Variants in ATP6V1E2 observed in about 807,000 individuals in gnomAD.
ATP6V1E2 encodes the protein ATPase H+ transporting V1 subunit E2.
For synonymous variants in ATP6V1E2, 121 were observed against 104.2 expected (o/e 1.16, Z -0.98); for missense variants, 308 against 273.3 (o/e 1.13, Z -0.90).
At chr2:46,531,947 C>G (rs776781061) in intron 4 of ATP6V1E2, among the ~76,000 whole-genome samples, 2 of 152,200 alleles carry the variant, frequency 1.3e-5, no homozygotes, top group Non-Finnish European at 2.9e-5. Context: ...GTCTTATGAG[C>G]TATTTAATTT....
At chr2:46,516,147 A>G (rs1381952445) in intron 4 of ATP6V1E2, among the ~76,000 whole-genome samples, 1 of 152,224 alleles carries the variant, frequency 6.6e-6, no homozygotes, top group Non-Finnish European at 1.5e-5. Context: ...AAAAAAGCAG[A>G]GAACTTGAAC....
intron 4 of ATP6V1E2, chr2:46,519,555 G>C (rs1374716551): frequency 3.9e-5 from 6 of 152,328 alleles, no homozygotes; most frequent in Non-Finnish European, 8.8e-5. Context: ...TCTGCAGTCA[G>C]ACTGACGGAA....
intron 2 of ATP6V1E2, among the ~76,000 whole-genome samples, chr2:46,540,262 A>C (rs1667662924): frequency 6.6e-6 from 1 of 152,060 alleles, no homozygotes; most frequent in South Asian, 2.1e-4. Flanking sequence ...CTCTGCAAAA[A>C]AATACAAAAA....
At chr2:46,517,250 A>G (rs547159522) in intron 4 of ATP6V1E2, among the ~76,000 whole-genome samples, 1 of 152,350 alleles carries the variant, frequency 6.6e-6, no homozygotes, top group South Asian at 2.1e-4. Context: ...AGCCTCTTCA[A>G]TAAATGGTGT....
chr2:46,521,188 G>A (rs1400360532), intron 4 of ATP6V1E2, among the ~76,000 whole-genome samples: 1 of 152,152 alleles, frequency 6.6e-6, no homozygotes, highest in Non-Finnish European at 1.5e-5. Context: ...CTGGGATTAT[G>A]GCCATGGGCT....
intron 4 of ATP6V1E2, among the ~76,000 whole-genome samples, chr2:46,532,893 A>G (rs1263617352): frequency 6.6e-6 from 1 of 152,206 alleles, no homozygotes; most frequent in East Asian, 1.9e-4. Flanking sequence ...GACAACCTTC[A>G]GATAACACTA....
At chr2:46,514,451 A>G (rs1162770986) in intron 4 of ATP6V1E2, among the ~76,000 whole-genome samples, 1 of 152,206 alleles carries the variant, frequency 6.6e-6, no homozygotes, top group African/African-American at 2.4e-5. Flanking sequence ...GAACAAAATG[A>G]GAATATCAAA....
chr2:46,514,627 TGAGAAA>T (rs1431909173), intron 4 of ATP6V1E2, among the ~76,000 whole-genome samples: 2 of 151,628 alleles, frequency 1.3e-5, no homozygotes. Context: ...AAAAGAAGAA[TGAGAAA>T]GAGTAAAGAA....
rs59573958 is a variant in ATP6V1E2 at position 46,517,433 on chromosome 2, C to A, written c.-101-4621G>T. ...ATAACACTGGTCTTGCCAATGATTT[C>A]TTGGATATGACAGAGAAAGCACAGA... On this transcript the variant is annotated intron_variant, in intron 4 of 4. Coordinates refer to ENST00000522587, the MANE Select transcript of ATP6V1E2 (RefSeq NM_001318063.2). 3.1e-3 allele frequency among the ~76,000 whole-genome samples: 473 copies of A among 152,274 alleles called. 1 individual carries two copies. Among genetic ancestry groups the A allele is most frequent in the African/African-American group, 0.011 (455 of 41,564 alleles).
chr2:46,520,367 C>G (rs75751213), intron 4 of ATP6V1E2, among the ~76,000 whole-genome samples: 3 of 152,238 alleles, frequency 2.0e-5, no homozygotes, highest in African/African-American at 7.2e-5. Flanking sequence ...AACGCACATG[C>G]CTGTCCTTAT....
Position 46,538,032 on chromosome 2 carries a change from C to T in ATP6V1E2, c.-309-1329G>A, listed in dbSNP as rs1436358968. 2.0e-5 allele frequency among the ~76,000 whole-genome samples: 3 copies of T among 152,010 alleles called. No homozygotes were observed. The South Asian group carries it at 6.2e-4, about 32-fold the overall frequency. On this transcript the variant is annotated intron_variant, in intron 2 of 4. Coordinates refer to ENST00000522587, the MANE Select transcript of ATP6V1E2 (RefSeq NM_001318063.2). Reference sequence around the variant, plus strand: ...AGATGCCTCAGAGTTATCGTAAAAACCTTGTTCTCTCTCGCCTCCTCTGTC... The same window carrying T: ...AGATGCCTCAGAGTTATCGTAAAAATCTTGTTCTCTCTCGCCTCCTCTGTC...
At chr2:46,518,758 TTGTGTGTGTGTGTGTGTG>T (rs70940621) in intron 4 of ATP6V1E2, among the ~76,000 whole-genome samples, 9 of 140,622 alleles carry the variant, frequency 6.4e-5, no homozygotes, top group Non-Finnish European at 9.2e-5. Flanking sequence ...CAAGTCAATT[TTGTGTGTGTGTGTGTGTG>T]TGTGTGTGTG....
chr2:46,516,861 T>A (rs1264845830), intron 4 of ATP6V1E2, among the ~76,000 whole-genome samples: 1 of 152,240 alleles, frequency 6.6e-6, no homozygotes, highest in Non-Finnish European at 1.5e-5. Flanking sequence ...AGACATCCCA[T>A]GTTCATATGT....
chr2:46,517,577 C>T (rs945391423), intron 4 of ATP6V1E2, among the ~76,000 whole-genome samples: 6 of 152,090 alleles, frequency 3.9e-5, no homozygotes, highest in Non-Finnish European at 7.4e-5. Context: ...ATCTGCAAAC[C>T]GTATATCTCA....
rs1687535812 is a variant in ATP6V1E2, at chr2:46,512,791, C to G, written c.-80G>C. 2 of 1,243,668 alleles carry G rather than the reference C, an allele frequency of 1.6e-6. No homozygotes were observed. Among genetic ancestry groups the G allele is most frequent in the Non-Finnish European group, 2.2e-6 (2 of 906,272 alleles). The allele number at this position is 1,243,668 out of a possible 1,614,324, so 77.0% of individuals were successfully genotyped here. ...TGACTTAGGACAATTTCAGGAGTGT[C>G]TCTGGAGTTCCACTTTCTCAGCTAT... On this transcript the variant is annotated 5_prime_UTR_variant, in exon 5 of 5. Transcript: ENST00000522587.
intron 2 of ATP6V1E2, chr2:46,537,723 C>A (rs1292930502): frequency 6.6e-6 from 1 of 151,994 alleles, no homozygotes; most frequent in Non-Finnish European, 1.5e-5. Flanking sequence ...TGACTTGCAA[C>A]CTAAAGCATC....
In ATP6V1E2 at chr2:46,535,154, T is replaced by C. The variant is rs555530039; in HGVS notation, c.-102+659A>G. 1 of 152,352 alleles carries C rather than the reference T, an allele frequency of 6.6e-6. No individual in the cohort carries two copies. The highest frequency in any genetic ancestry group is 2.1e-4 in the South Asian group (1 of 4,826). 9.4% of individuals were successfully genotyped at this position (152,352 alleles called of 1,614,324 possible). On this transcript the variant is annotated intron_variant, in intron 4 of 4. Transcript: ENST00000522587. The surrounding 1 kb of genome is among the most constrained non-coding windows in gnomAD (Gnocchi z 4.4). ...GATAGGGTTTGCCCCATTTGTTCCC[T>C]ACTTTCAGGAATCACGGTGCTGTGC... is the stretch of plus-strand genomic sequence containing the variant.
At chr2:46,526,277 G>C (rs947427148) in intron 4 of ATP6V1E2, among the ~76,000 whole-genome samples, 22 of 151,948 alleles carry the variant, frequency 1.4e-4, no homozygotes, top group African/African-American at 5.1e-4. Context: ...CACCATGCCT[G>C]GCTAATTATG....
chr2:46,514,773 A>T (rs1687641153), intron 4 of ATP6V1E2, among the ~76,000 whole-genome samples: 1 of 152,200 alleles, frequency 6.6e-6, no homozygotes, highest in African/African-American at 2.4e-5. Flanking sequence ...AAATCTGGGG[A>T]GGGAAATGTC....
Sources: allele counts gnomAD v4.1 joint callset (sites outside exome capture counted in the v4.1 genomes callset), GRCh38; gene constraint gnomAD v4.1.1; non-coding constraint Gnocchi (gnomAD v3.1); transcripts MANE v1.5; gene names NCBI Gene and HGNC (gene_info 2026-07-23, HGNC 2026-07-21).